NHSL3: variants seen among roughly 807,000 people sequenced by gnomAD.
The protein encoded by NHSL3 is NHS like 3.
At chr1:32,770,845 A>T in the NHSL3 span, 1 of 1,607,410 alleles carries the variant, frequency 6.2e-7, no homozygotes, top group Non-Finnish European at 8.5e-7. This position sits in a 1 kb window ranked among gnomAD's most constrained non-coding sequence, Gnocchi z 8.3. Flanking sequence ...CAACCCAGCC[A>T]ACAGCTGGGT....
chr1:32,756,657 C>CAAAA, the NHSL3 span, among the ~76,000 whole-genome samples: 14 of 49,940 alleles, frequency 2.8e-4, no homozygotes, highest in African/African-American at 4.2e-4. Flanking sequence ...ACCCTGTCTC[C>CAAAA]AAAAAAAAAA....
At chr1:32,759,128 C>T in the NHSL3 span, among the ~76,000 whole-genome samples, 2 of 152,240 alleles carry the variant, frequency 1.3e-5, no homozygotes, top group Non-Finnish European at 2.9e-5. Context: ...GCAGTGTGAC[C>T]TTGGGCAAGT....
At chr1:32,772,767 G>T in the NHSL3 span, 2 of 1,189,578 alleles carry the variant, frequency 1.7e-6, no homozygotes, top group African/African-American at 1.5e-5. Flanking sequence ...AAATCAAAGC[G>T]GTAAGAAGGT....
At chr1:32,753,866 G>A in the NHSL3 span, among the ~76,000 whole-genome samples, 1 of 152,148 alleles carries the variant, frequency 6.6e-6, no homozygotes, top group Non-Finnish European at 1.5e-5. Flanking sequence ...CCCAGGTCCC[G>A]GGAGGGGCGG....
chr1:32,771,519 G>T, the NHSL3 span: 2 of 1,594,730 alleles, frequency 1.3e-6, no homozygotes, highest in Non-Finnish European at 1.7e-6. Context: ...CTGAGGAGCA[G>T]GACCTGTCCA....
chr1:32,770,019 G>T, the NHSL3 span: 2 of 1,596,034 alleles, frequency 1.3e-6, no homozygotes, highest in East Asian at 4.5e-5. The surrounding 1 kb of genome is among the most constrained non-coding windows in gnomAD (Gnocchi z 8.3). Flanking sequence ...CGCTGGAGGC[G>T]GAGGCGGAGG....
the NHSL3 span, chr1:32,767,685 C>T: frequency 3.0e-5 from 29 of 959,374 alleles, no homozygotes; most frequent in East Asian, 3.2e-4. Context: ...ATGCAATGGC[C>T]GTGTGCAGTC....
chr1:32,760,848 C>G, the NHSL3 span, among the ~76,000 whole-genome samples: 1 of 152,172 alleles, frequency 6.6e-6, no homozygotes, highest in African/African-American at 2.4e-5. Flanking sequence ...CTTGGCCTCC[C>G]AAAGTGCTGG....
At chr1:32,760,992 GC>G in the NHSL3 span, among the ~76,000 whole-genome samples, 1 of 152,128 alleles carries the variant, frequency 6.6e-6, no homozygotes, top group South Asian at 2.1e-4. Flanking sequence ...GAGTTGAGGA[GC>G]CCGCAGGTGT....
At chr1:32,755,875 G>T in the NHSL3 span, among the ~76,000 whole-genome samples, 1 of 152,166 alleles carries the variant, frequency 6.6e-6, no homozygotes, top group Non-Finnish European at 1.5e-5. Context: ...CTGCACTAAG[G>T]GGGCAGGGCT....
the NHSL3 span, chr1:32,765,902 G>T: frequency 7.1e-7 from 1 of 1,399,968 alleles, no homozygotes; most frequent in East Asian, 2.5e-5. Flanking sequence ...GTAGAATGAG[G>T]AATCAAGGCT....
the NHSL3 span, among the ~76,000 whole-genome samples, chr1:32,747,929 C>T: frequency 2.0e-5 from 3 of 151,840 alleles, no homozygotes; most frequent in African/African-American, 7.3e-5. Flanking sequence ...GCCAACATGG[C>T]GAAACCCCAT....
the NHSL3 span, chr1:32,771,773 A>C: frequency 6.2e-7 from 1 of 1,613,670 alleles, no homozygotes; most frequent in Non-Finnish European, 8.5e-7. Flanking sequence ...GGCTGTAGCA[A>C]GGGTGGTGGG....
At chr1:32,768,680 A>G in the NHSL3 span, 9 of 1,614,076 alleles carry the variant, frequency 5.6e-6, no homozygotes, top group East Asian at 1.3e-4. Flanking sequence ...GATGAAGACA[A>G]CATCTCCTTC....
At chr1:32,761,328 G>A in the NHSL3 span, among the ~76,000 whole-genome samples, 4 of 152,100 alleles carry the variant, frequency 2.6e-5, no homozygotes, top group East Asian at 5.8e-4. Flanking sequence ...GGGGTGACTC[G>A]GAGAGGCTGC....
At chr1:32,772,323 T>G in the NHSL3 span, 4 of 1,263,040 alleles carry the variant, frequency 3.2e-6, no homozygotes, top group Admixed American at 3.9e-5. Flanking sequence ...AGCCCCTTAC[T>G]GCTCCTCCCA....
chr1:32,769,739 G>A, the NHSL3 span: 19 of 1,614,016 alleles, frequency 1.2e-5, no homozygotes, highest in Admixed American at 1.7e-5. Context: ...CGGCGGGAGC[G>A]GCGGAGCACT....
chr1:32,765,916 C>G, the NHSL3 span: 5 of 1,264,698 alleles, frequency 4.0e-6, no homozygotes, highest in African/African-American at 4.4e-5. Context: ...CAAGGCTGGG[C>G]AAAAGTAATG....
At chr1:32,765,235 G>T in the NHSL3 span, among the ~76,000 whole-genome samples, 1 of 152,110 alleles carries the variant, frequency 6.6e-6, no homozygotes, top group Admixed American at 6.5e-5. Flanking sequence ...CCCTCTGGGG[G>T]CCTCTGCCCA....
Sources: gnomAD v4.1 joint callset for allele counts (sites outside exome capture counted in the v4.1 genomes callset) on GRCh38, gnomAD v4.1.1 for gene constraint, Gnocchi (gnomAD v3.1) non-coding constraint, MANE v1.5 for transcripts, NCBI Gene and HGNC (gene_info 2026-07-23, HGNC 2026-07-21) for gene names.